The following TCEANC2 variants were observed in gnomAD, a reference collection of about 807,000 sequenced individuals.
The protein encoded by TCEANC2 is transcription elongation factor A N-terminal and central domain containing 2.
TCEANC2 carries 20 observed loss-of-function variants against 22.8 expected under a neutral mutation model. The ratio of observed to expected loss-of-function variants is 0.88; its 90% CI spans 0.62 to 1.28. The LOEUF (loss-of-function observed/expected upper bound fraction) is 1.28. Among genes scored for constraint, TCEANC2 ranks in the 50% most tolerant of loss-of-function variants. The probability of loss-of-function intolerance (pLI) is 0.00; values close to 1 mark genes in which losing one functional copy is unlikely to be tolerated. For synonymous variants in TCEANC2, 84 were observed against 95.5 expected, an observed-to-expected ratio of 0.88 and a Z score of 0.70; for missense variants, 251 against 249.7, an observed-to-expected ratio of 1.01 and a Z score of -0.03.
intron 2 of TCEANC2, among the ~76,000 whole-genome samples, chr1:54,065,065 G>C (rs2100359074): frequency 6.6e-6 from 1 of 152,172 alleles, no homozygotes. Flanking sequence ...CCTGCCTCCA[G>C]ACCTCATGTT....
At position 54,068,886 on chromosome 1, in the gene TCEANC2, C is replaced by A; in HGVS notation, c.233C>A (p.Ser78Ter). The change falls in exon 3 of 5, where the codon TCA (serine) becomes TAA (stop). Residue 78 changes from serine (S) to a stop codon, truncating the protein, a stop_gained. Coordinates refer to ENST00000234827, the MANE Select transcript of TCEANC2 (RefSeq NM_153035.3). LOFTEE classifies it high-confidence loss of function. ...ATACCCTCCAGGGAAGTGTTAAAATCAACAAGGATAGGTATATTCCTTCTT... is the reference window on the plus strand; with the variant it reads ...ATACCCTCCAGGGAAGTGTTAAAATAAACAAGGATAGGTATATTCCTTCTT... ...KKIPSREVLK[S>*]TRIGHTVNKM... 6.3e-7 allele frequency: 1 copy of A among 1,593,932 alleles called. No homozygotes were observed. The highest frequency in any genetic ancestry group is 1.2e-5 in the South Asian group (1 of 86,322).
chr1:54,085,999 G>A (rs544897194), intron 3 of TCEANC2, among the ~76,000 whole-genome samples: 1 of 152,252 alleles, frequency 6.6e-6, no homozygotes, highest in South Asian at 2.1e-4. Context: ...ATCGCAAAGT[G>A]TTGAGATTAT....
intron 2 of TCEANC2, among the ~76,000 whole-genome samples, chr1:54,060,951 CAA>C (rs879485531): frequency 2.4e-5 from 3 of 127,326 alleles, no homozygotes; most frequent in Admixed American, 7.8e-5. Context: ...CTGTCTCAAA[CAA>C]AAAAAAAAAG....
chr1:54,058,795 T>C (rs1279044576), intron 2 of TCEANC2, among the ~76,000 whole-genome samples: 1 of 152,068 alleles, frequency 6.6e-6, no homozygotes, highest in South Asian at 2.1e-4. Flanking sequence ...TAGCTAAGAC[T>C]ACAGGCACAC....
At chr1:54,068,963 C>G (rs991362646) in intron 3 of TCEANC2, 66 bp downstream of exon 3, 1 of 1,390,174 alleles carries the variant, frequency 7.2e-7, no homozygotes, top group South Asian at 1.9e-5. Context: ...TCTTTCCTTC[C>G]TCTCTCCTTC....
chr1:54,069,840 CA>C (rs1344580721), intron 3 of TCEANC2, among the ~76,000 whole-genome samples: 2 of 152,058 alleles, frequency 1.3e-5, no homozygotes, highest in East Asian at 3.9e-4. Context: ...AGTCAGGGAC[CA>C]TGTTGAATTG....
intron 3 of TCEANC2, among the ~76,000 whole-genome samples, chr1:54,083,997 A>C (rs1056876200): frequency 1.3e-5 from 2 of 149,566 alleles, no homozygotes; most frequent in African/African-American, 4.9e-5. Flanking sequence ...ATGTAGAGCT[A>C]TTTTAGTTTA....
At chr1:54,093,689 A>G (rs1388028056) in intron 4 of TCEANC2, among the ~76,000 whole-genome samples, 1 of 146,324 alleles carries the variant, frequency 6.8e-6, no homozygotes, top group African/African-American at 2.5e-5. Flanking sequence ...TCAGTTAACT[A>G]TTTGCTGAAT....
intron 2 of TCEANC2, among the ~76,000 whole-genome samples, chr1:54,058,703 CTGGAG>C (rs1657797536): frequency 6.6e-6 from 1 of 152,208 alleles, no homozygotes. Context: ...GTTGCCCAAG[CTGGAG>C]TGCAGTGGCG....
intron 1 of TCEANC2, chr1:54,054,090 C>G: frequency 2.3e-6 from 1 of 430,662 alleles, no homozygotes; most frequent in Non-Finnish European, 3.9e-6. Context: ...GGTGCACGCT[C>G]TAGCGGGGAT....
chr1:54,056,798 T>A (rs965461673), intron 2 of TCEANC2, among the ~76,000 whole-genome samples: 1 of 152,008 alleles, frequency 6.6e-6, no homozygotes. Flanking sequence ...TCCTAGCACA[T>A]TGGGAGGCCA....
At position 54,080,170 on chromosome 1, in the gene TCEANC2, G is replaced by A. The variant is rs1258153933; in HGVS notation, c.245-8427G>A. ...TCTTTTTTTTTTTTTTTTTGAGACA[G>A]TCTCACTCTGTCAGACAGGCTGGAG... On this transcript the variant is annotated intron_variant, in intron 3 of 4. Transcript: ENST00000234827. 2.0e-5 allele frequency among the ~76,000 whole-genome samples: 3 copies of A among 147,168 alleles called. No homozygotes were observed. In the Admixed American group the frequency reaches 2.1e-4, roughly 10 times the overall value.
At chr1:54,084,386 TA>T (rs1351586303) in intron 3 of TCEANC2, among the ~76,000 whole-genome samples, 3 of 152,208 alleles carry the variant, frequency 2.0e-5, no homozygotes, top group Non-Finnish European at 4.4e-5. Flanking sequence ...ACAGGACCCT[TA>T]ATGATGAGCT....
At chr1:54,053,954 C>G (rs1027023293) in intron 1 of TCEANC2, 196 bp downstream of exon 1, 9 of 171,202 alleles carry the variant, frequency 5.3e-5, no homozygotes, top group African/African-American at 1.9e-4. Flanking sequence ...AGGTGGTTGT[C>G]GGTTGCTGAT....
chr1:54,054,332 C>T, intron 1 of TCEANC2, 49 bp from the exon 2 acceptor site: 1 of 1,546,938 alleles, frequency 6.5e-7, no homozygotes, highest in Non-Finnish European at 8.7e-7. Flanking sequence ...GAAAAAATAT[C>T]ATGGCAGTCT....
At chr1:54,079,131 T>G (rs1382411679) in intron 3 of TCEANC2, among the ~76,000 whole-genome samples, 1 of 152,176 alleles carries the variant, frequency 6.6e-6, no homozygotes, top group Non-Finnish European at 1.5e-5. Context: ...ACTATATATA[T>G]GAATATTCTG....
rs1658663723 is a variant in TCEANC2, at chr1:54,101,505, T to C, written c.*5032T>C. On this transcript the variant is annotated 3_prime_UTR_variant, in exon 5 of 5. Transcript: ENST00000234827. ...GTTTTTAATGTTGATAAAATCATTC[T>C]TTCAATACATATTTGTTGAGTTCTT... The C allele has an allele frequency of 6.6e-6, 1 of 152,212 alleles. No homozygotes were observed. Among genetic ancestry groups the C allele is most frequent in the African/African-American group, 2.4e-5 (1 of 41,438 alleles). The allele number at this position is 152,212 out of a possible 1,614,324, so 9.4% of individuals were successfully genotyped here. A position where few individuals can be genotyped will look rare whatever the true frequency, so the allele number is the denominator to read the frequency against.
Position 54,096,355 on chromosome 1 carries a change from C to T in TCEANC2, c.509C>T (p.Pro170Leu), listed in dbSNP as rs771321590. ...FHLCSRLINGPYRRTVRALVF... is the reference protein window; with the variant it reads ...FHLCSRLINGLYRRTVRALVF... ...CTCTGCTCCCGCCTCATTAATGGGC[C>T]GTACCGGCGGACGGTGAGAGCCCTG... is the stretch of plus-strand genomic sequence containing the variant. Residue 170 changes from proline (P) to leucine (L), a missense_variant, in exon 5 of 5, where the codon CCG becomes CTG. Physicochemically the swap from Pro to Leu is moderately conservative, Grantham distance 98 (BLOSUM62 -3). Transcript: ENST00000234827. The surrounding 1 kb of genome is among the most constrained non-coding windows in gnomAD (Gnocchi z 4.9). The T allele has an allele frequency of 6.8e-6, 11 of 1,611,348 alleles. No individual in the cohort carries two copies. Among genetic ancestry groups the T allele is most frequent in the Admixed American group, 3.3e-5 (2 of 59,978 alleles).
At position 54,097,938 on chromosome 1, in the gene TCEANC2, G is replaced by A. The variant is rs1057380024; in HGVS notation, c.*1465G>A. ...AAAGAAAATACCCAGTTAAACATGA[G>A]AAAAGTGAGGCTCAGAAAGGTATAG... On this transcript the variant is annotated 3_prime_UTR_variant, in exon 5 of 5. Coordinates refer to ENST00000234827, the MANE Select transcript of TCEANC2 (RefSeq NM_153035.3). 6.6e-6 allele frequency: 1 copy of A among 152,178 alleles called. No individual in the cohort carries two copies. The highest frequency in any genetic ancestry group is 2.4e-5 in the African/African-American group (1 of 41,444). The allele number at this position is 152,178 out of a possible 1,614,324, so 9.4% of individuals were successfully genotyped here.
Sources: gnomAD v4.1 joint callset for allele counts (sites outside exome capture counted in the v4.1 genomes callset) on GRCh38, gnomAD v4.1.1 for gene constraint, Gnocchi (gnomAD v3.1) non-coding constraint, MANE v1.5 for transcripts, NCBI Gene and HGNC (gene_info 2026-07-23, HGNC 2026-07-21) for gene names.